The following PTPRZ1 variants were observed in gnomAD, a reference collection of about 807,000 sequenced individuals.
PTPRZ1 encodes protein tyrosine phosphatase receptor type Z1, also known as receptor-type tyrosine-protein phosphatase zeta.
A neutral mutation model predicts 214.1 loss-of-function variants in PTPRZ1; 82 were observed. That is an observed-to-expected ratio of 0.38 (90% CI 0.32 to 0.46). The LOEUF (loss-of-function observed/expected upper bound fraction) is 0.46. Ranked by LOEUF, PTPRZ1 falls within the 20% of genes least tolerant of loss-of-function variation. The pLI is 1.00. For synonymous variants in PTPRZ1, 945 were observed against 987.9 expected (o/e 0.96, Z 0.81); for missense variants, 2,603 against 2,748.7 (o/e 0.95, Z 1.19).
At chr7:121,929,294 A>G (rs1341378567) in intron 2 of PTPRZ1, among the ~76,000 whole-genome samples, 2 of 152,058 alleles carry the variant, frequency 1.3e-5, no homozygotes, top group Admixed American at 1.3e-4. Flanking sequence ...TCTTAAAATT[A>G]TATTTATTTC....
intron 2 of PTPRZ1, among the ~76,000 whole-genome samples, chr7:121,957,559 G>A (rs1251180976): frequency 6.6e-6 from 1 of 152,204 alleles, no homozygotes; most frequent in African/African-American, 2.4e-5. Context: ...TCTCACACCT[G>A]CTCCTCCCTT....
chr7:122,031,806 C>T, intron 15 of PTPRZ1: 1 of 231,746 alleles, frequency 4.3e-6, no homozygotes. Context: ...TCATTTTCTT[C>T]CATAAAGTAC....
intron 21 of PTPRZ1, among the ~76,000 whole-genome samples, chr7:122,041,470 C>A (rs1799732028): frequency 6.8e-6 from 1 of 147,992 alleles, no homozygotes; most frequent in South Asian, 2.1e-4. Context: ...ACCAGAATCC[C>A]TTTTTCATTT....
chr7:122,010,775 T>C lies in PTPRZ1; in HGVS notation c.1729T>C (p.Phe577Leu). 6.2e-7 allele frequency: 1 copy of C among 1,613,772 alleles called. No homozygotes were observed. The highest frequency in any genetic ancestry group is 8.5e-7 in the Non-Finnish European group (1 of 1,179,790). ...EYEEESLLTS[F>L]KLDTGAEDSS... ...TGAGGAGGAGAGTTTATTGACCAGT[T>C]TCAAGCTTGATACTGGAGCTGAAGA... Residue 577 changes from phenylalanine to leucine, a missense_variant, in exon 12 of 30, where the codon TTC (phenylalanine) becomes CTC (leucine). By Grantham distance (22) the Phe-to-Leu change is conservative (BLOSUM62 0). Coordinates refer to ENST00000393386, the MANE Select transcript of PTPRZ1 (RefSeq NM_002851.3).
In PTPRZ1 at chr7:122,012,913, T is replaced by A; in HGVS notation, c.3867T>A (p.Asn1289Lys). 6.2e-7 allele frequency: 1 copy of A among 1,614,162 alleles called. No individual in the cohort carries two copies. Among genetic ancestry groups the A allele is most frequent in the Non-Finnish European group, 8.5e-7 (1 of 1,180,012 alleles). ...AAGTGGTACCTTCTTTGTACAGTAA[T>A]GATGAGTTGTTCCAAACGGCCAATT... ...SHQVVPSLYS[N>K]DELFQTANLE... The change falls in exon 12 of 30, where the codon AAT (asparagine) becomes AAA (lysine). Residue 1289 changes from asparagine (N) to lysine (K), a missense_variant. Coordinates refer to ENST00000393386, the MANE Select transcript of PTPRZ1 (RefSeq NM_002851.3).
At chr7:121,973,874 C>T (rs1797339806) in intron 4 of PTPRZ1, among the ~76,000 whole-genome samples, 1 of 133,532 alleles carries the variant, frequency 7.5e-6, no homozygotes, top group Admixed American at 9.1e-5. Context: ...GTGGAGGTTG[C>T]AGTGAGCCAA....
intron 23 of PTPRZ1, among the ~76,000 whole-genome samples, chr7:122,048,426 A>G (rs539103546): frequency 1.3e-5 from 2 of 152,260 alleles, no homozygotes; most frequent in Admixed American, 6.5e-5. Context: ...TATTTGTGAC[A>G]ATACATTTGA....
At chr7:121,937,302 C>T (rs909419405) in intron 2 of PTPRZ1, among the ~76,000 whole-genome samples, 3 of 152,026 alleles carry the variant, frequency 2.0e-5, no homozygotes, top group Non-Finnish European at 4.4e-5. Flanking sequence ...AAGGGAGAGG[C>T]AAGGAGGAGC....
rs1799816645 is a variant in PTPRZ1 at position 122,044,319 on chromosome 7, C to A, written c.5938-103C>A. 12 of 1,360,856 alleles carry A rather than the reference C, an allele frequency of 8.8e-6. No homozygotes were observed. In the South Asian group the frequency reaches 1.6e-4, roughly 18 times the overall value. 84.3% of individuals were successfully genotyped at this position (1,360,856 alleles called of 1,614,324 possible). On this transcript the variant is annotated intron_variant, in intron 22 of 29. Transcript: ENST00000393386. ...AATCTTGTGTGGGTCTTCCCCCATT[C>A]TGTAAAACTCTCCTTGTCTGTCAAT...
intron 1 of PTPRZ1, among the ~76,000 whole-genome samples, chr7:121,927,930 T>TGTCA (rs1314371711): frequency 1.3e-5 from 2 of 152,198 alleles, no homozygotes; most frequent in African/African-American, 4.8e-5. Context: ...TCTGCCTGAA[T>TGTCA]GTCAGCATCC....
intron 13 of PTPRZ1, among the ~76,000 whole-genome samples, chr7:122,027,353 A>T (rs867070113): frequency 6.6e-5 from 10 of 152,180 alleles, no homozygotes; most frequent in African/African-American, 2.4e-4. Flanking sequence ...GTCAGGGATT[A>T]AAAAGGTCTT....
intron 2 of PTPRZ1, among the ~76,000 whole-genome samples, chr7:121,943,375 G>A (rs981058242): frequency 1.3e-5 from 2 of 151,952 alleles, no homozygotes; most frequent in African/African-American, 4.8e-5. Context: ...AGTCTCTATC[G>A]CCCAGGCTGG....
At chr7:122,051,756 A>G (rs759201129) in intron 24 of PTPRZ1, 110 bp from the exon 25 acceptor site, 2 of 1,023,496 alleles carry the variant, frequency 2.0e-6, no homozygotes, top group Non-Finnish European at 2.9e-6. Context: ...TGAAAAATGT[A>G]GCTATATTTT....
intron 2 of PTPRZ1, among the ~76,000 whole-genome samples, chr7:121,955,335 A>G (rs1460983784): frequency 1.3e-5 from 2 of 152,262 alleles, no homozygotes; most frequent in African/African-American, 4.8e-5. Context: ...AATGACCACA[A>G]GAGGGCTTAT....
chr7:122,031,984 A>G (rs1280426320), intron 15 of PTPRZ1: 1 of 152,408 alleles, frequency 6.6e-6, no homozygotes, highest in African/African-American at 2.4e-5. Context: ...AAGCATTTAG[A>G]TAACACTTAC....
chr7:121,976,096 C>T (rs575742766), intron 4 of PTPRZ1, 77 bp from the exon 5 acceptor site: 5 of 979,462 alleles, frequency 5.1e-6, no homozygotes, highest in Non-Finnish European at 7.8e-6. Flanking sequence ...TTTGGAAATA[C>T]TTAGAATGTA....
At chr7:121,996,595 G>A (rs1562852051) in intron 9 of PTPRZ1, 29 bp downstream of exon 9, 4 of 1,474,088 alleles carry the variant, frequency 2.7e-6, no homozygotes, top group Non-Finnish European at 3.7e-6. Flanking sequence ...GTTTTACATA[G>A]GGTAACATTA....
Position 122,038,808 on chromosome 7 carries a change from AGC to A in PTPRZ1, c.5422_5423del (p.Ala1808Ter). ...IAAQGPLKSTAEDFWRMIWEH... is the reference protein window; with the variant it reads ...IAAQGPLKSTXEDFWRMIWEH... ...CTGCCCAAGGCCCACTGAAATCCAC[AGC>A]TGAAGATTTCTGGAGAATGATATGG... is the stretch of plus-strand genomic sequence containing the variant. On this transcript the variant is annotated frameshift_variant, in exon 19 of 30. Transcript: ENST00000393386. LOFTEE classifies it high-confidence loss of function. 2 of 1,613,710 alleles carry A rather than the reference AGC, an allele frequency of 1.2e-6. No individual in the cohort carries two copies. The highest frequency in any genetic ancestry group is 2.7e-5 in the African/African-American group (2 of 74,916).
chr7:122,041,102 AT>A (rs1799718491), intron 21 of PTPRZ1, 123 bp downstream of exon 21: 5 of 906,564 alleles, frequency 5.5e-6, no homozygotes, highest in Non-Finnish European at 6.1e-6. Context: ...ATGAAATTAT[AT>A]GTTCATTTTC....
Sources: allele counts gnomAD v4.1 joint callset (sites outside exome capture counted in the v4.1 genomes callset), GRCh38; gene constraint gnomAD v4.1.1; transcripts MANE v1.5; gene names NCBI Gene and HGNC (gene_info 2026-07-23, HGNC 2026-07-21).